The following GALNT13 variants were observed in gnomAD, a reference collection of about 807,000 sequenced individuals.
GALNT13 encodes UDP-GalNAc:polypeptide N-acetylgalactosaminyltransferase 13.
GALNT13 carries 28 observed loss-of-function variants against 64.2 expected under a neutral mutation model. The observed-to-expected ratio is 0.44, with a 90% confidence interval of 0.32 to 0.60. The LOEUF is 0.60. Among genes scored for constraint, GALNT13 ranks in the 20% least tolerant of loss-of-function variants. The probability of loss-of-function intolerance (pLI) is 0.05; values close to 1 mark genes in which losing one functional copy is unlikely to be tolerated. For missense variants in GALNT13, 577 were observed against 669.8 expected (o/e 0.86, Z 1.53); for synonymous variants, 214 against 224.6 (o/e 0.95, Z 0.42).
chr2:154,374,255 A>G (rs960114884), intron 9 of GALNT13, among the ~76,000 whole-genome samples: 4 of 152,342 alleles, frequency 2.6e-5, no homozygotes, highest in Admixed American at 6.5e-5. Context: ...CAAATATTTT[A>G]TCTAGATCTC....
At chr2:154,080,605 C>G (rs1480944918) in intron 3 of GALNT13, among the ~76,000 whole-genome samples, 1 of 151,344 alleles carries the variant, frequency 6.6e-6, no homozygotes, top group Non-Finnish European at 1.5e-5. Flanking sequence ...TTCTAAATTG[C>G]CACCCTCCTT....
the GALNT13 span, among the ~76,000 whole-genome samples, chr2:153,812,816 G>A: frequency 9.7e-4 from 148 of 152,226 alleles, no homozygotes; most frequent in African/African-American, 3.5e-3. Flanking sequence ...CTTTCCCTAT[G>A]CGCACAAAGT....
At chr2:154,207,383 T>G (rs1687523876) in intron 4 of GALNT13, among the ~76,000 whole-genome samples, 1 of 152,170 alleles carries the variant, frequency 6.6e-6, no homozygotes, top group Non-Finnish European at 1.5e-5. Flanking sequence ...GTACCCAATT[T>G]TATTATGAAT....
chr2:153,187,849 T>C, the GALNT13 span, among the ~76,000 whole-genome samples: 1 of 152,092 alleles, frequency 6.6e-6, no homozygotes, highest in East Asian at 1.9e-4. Context: ...AATATTAACA[T>C]ACAAAACTTA....
At chr2:153,790,664 C>A in the GALNT13 span, among the ~76,000 whole-genome samples, 139 of 152,264 alleles carry the variant, frequency 9.1e-4, 2 homozygotes, top group South Asian at 0.027. Context: ...GCCAAACTAT[C>A]CCTGTTTGCA....
intron 10 of GALNT13, among the ~76,000 whole-genome samples, chr2:154,407,381 A>G (rs546993033): frequency 1.3e-4 from 20 of 152,142 alleles, no homozygotes; most frequent in Admixed American, 3.3e-4. Context: ...AATCTGATGT[A>G]AGGGATTTAA....
intron 10 of GALNT13, among the ~76,000 whole-genome samples, chr2:154,402,169 C>G (rs1699330328): frequency 6.6e-6 from 1 of 152,060 alleles, no homozygotes; most frequent in South Asian, 2.1e-4. Context: ...TAAAATAATG[C>G]TAGTTTAAGT....
chr2:154,403,016 A>G (rs1220797365), intron 10 of GALNT13, among the ~76,000 whole-genome samples: 3 of 152,158 alleles, frequency 2.0e-5, no homozygotes, highest in African/African-American at 2.4e-5. Context: ...ACCAGTGACC[A>G]TTTTTGTATT....
chr2:154,218,373 T>C (rs937626526), intron 4 of GALNT13, among the ~76,000 whole-genome samples: 5 of 152,104 alleles, frequency 3.3e-5, no homozygotes, highest in African/African-American at 1.2e-4. Context: ...TCCCATTGTT[T>C]CAGCCATCTA....
intron 3 of GALNT13, among the ~76,000 whole-genome samples, chr2:153,970,626 G>C (rs1693676433): frequency 6.6e-6 from 1 of 152,072 alleles, no homozygotes; most frequent in Non-Finnish European, 1.5e-5. Flanking sequence ...TGTGACCAAG[G>C]CTTACTTGAT....
the GALNT13 span, among the ~76,000 whole-genome samples, chr2:153,657,061 C>T: frequency 6.6e-6 from 1 of 151,988 alleles, no homozygotes; most frequent in African/African-American, 2.4e-5. Flanking sequence ...AGTCTTATAG[C>T]GGTGTTGGGC....
At chr2:153,360,473 A>C in the GALNT13 span, among the ~76,000 whole-genome samples, 1 of 152,146 alleles carries the variant, frequency 6.6e-6, no homozygotes, top group Non-Finnish European at 1.5e-5. Context: ...CTAAGATCCC[A>C]GAGCAGGGGA....
chr2:154,089,793 A>G (rs1256869035), intron 3 of GALNT13, among the ~76,000 whole-genome samples: 1 of 148,276 alleles, frequency 6.7e-6, no homozygotes, highest in Non-Finnish European at 1.5e-5. Flanking sequence ...TGCTCTTAGG[A>G]CAATTTCCAG....
At chr2:153,435,393 G>T in the GALNT13 span, among the ~76,000 whole-genome samples, 1 of 152,106 alleles carries the variant, frequency 6.6e-6, no homozygotes, top group Admixed American at 6.5e-5. Context: ...GATGGGGATG[G>T]CATTGAATCT....
At chr2:153,957,722 T>A (rs1692666337) in intron 3 of GALNT13, among the ~76,000 whole-genome samples, 1 of 152,208 alleles carries the variant, frequency 6.6e-6, no homozygotes, top group South Asian at 2.1e-4. Flanking sequence ...GGCAGGGGAC[T>A]TAGGCAACTG....
chr2:153,503,261 T>A, the GALNT13 span, among the ~76,000 whole-genome samples: 1 of 152,174 alleles, frequency 6.6e-6, no homozygotes, highest in African/African-American at 2.4e-5. Context: ...TTGTATAATG[T>A]AAGACGATGA....
At chr2:153,836,336 G>T in the GALNT13 span, among the ~76,000 whole-genome samples, 3 of 151,616 alleles carry the variant, frequency 2.0e-5, no homozygotes, top group Non-Finnish European at 4.4e-5. Flanking sequence ...GTTTTCTTGC[G>T]GTTAGAACAC....
At chr2:153,075,463 A>G in the GALNT13 span, among the ~76,000 whole-genome samples, 7 of 152,180 alleles carry the variant, frequency 4.6e-5, no homozygotes, top group Admixed American at 3.9e-4. Flanking sequence ...TTAGAATAAT[A>G]TCAACACTAT....
the GALNT13 span, among the ~76,000 whole-genome samples, chr2:153,440,744 GTCT>G: frequency 1.3e-5 from 2 of 152,058 alleles, no homozygotes; most frequent in African/African-American, 4.8e-5. Flanking sequence ...CCTCATAAAT[GTCT>G]TCTTTTGACA....
Sources: allele counts gnomAD v4.1 joint callset (sites outside exome capture counted in the v4.1 genomes callset), GRCh38; gene constraint gnomAD v4.1.1; transcripts MANE v1.5; gene names NCBI Gene and HGNC (gene_info 2026-07-23, HGNC 2026-07-21).